IFT52: variants seen among roughly 807,000 people sequenced by gnomAD.
IFT52 encodes intraflagellar transport protein 52 homolog.
In IFT52, 44 loss-of-function variants were observed where a neutral mutation model predicts 54.4. That is an observed-to-expected ratio of 0.81 (90% confidence interval 0.63 to 1.04). The LOEUF (loss-of-function observed/expected upper bound fraction) is 1.04. Ranked by LOEUF, IFT52 falls within the 50% of genes least tolerant of loss-of-function variation. The pLI is 0.00. For synonymous variants in IFT52, 181 were observed against 185.3 expected, an observed-to-expected ratio of 0.98 and a Z score of 0.19; for missense variants, 452 against 523.6, an observed-to-expected ratio of 0.86 and a Z score of 1.33.
intron 12 of IFT52, among the ~76,000 whole-genome samples, chr20:43,640,865 G>A (rs532374308): frequency 2.0e-5 from 3 of 151,770 alleles, no homozygotes; most frequent in Admixed American, 1.3e-4. Context: ...GTGAAACCCC[G>A]TCTCAAATAC....
At position 43,623,916 on chromosome 20, in the gene IFT52, A is replaced by G. The variant is rs1173147465; in HGVS notation, c.794A>G (p.Tyr265Cys). The G allele has an allele frequency of 3.7e-6, 6 of 1,614,090 alleles. No homozygotes were observed. The highest frequency in any genetic ancestry group is 5.1e-6 in the Non-Finnish European group (6 of 1,180,048). Residue 265 changes from tyrosine (Y) to cysteine (C), a missense_variant, in exon 10 of 14, where the codon TAC becomes TGC. Coordinates refer to ENST00000373030, the MANE Select transcript of IFT52 (RefSeq NM_016004.5). ...PEISDYMMLP[Y>C]TATLSKRNRE... ...ATTTCTGACTACATGATGCTGCCCT[A>G]CACAGCCACCCTATCAAAGCGGAAT...
At chr20:43,605,762 A>T (rs1224508993) in intron 6 of IFT52, among the ~76,000 whole-genome samples, 1 of 152,210 alleles carries the variant, frequency 6.6e-6, no homozygotes, top group Non-Finnish European at 1.5e-5. Context: ...TGTGACAGGC[A>T]TGTATTACCT....
chr20:43,602,241 T>C (rs1391449471), intron 3 of IFT52, among the ~76,000 whole-genome samples: 1 of 151,990 alleles, frequency 6.6e-6, no homozygotes, highest in Non-Finnish European at 1.5e-5. Flanking sequence ...CTCGGCTCAT[T>C]GCAACCTCCG....
At chr20:43,632,399 T>C (rs1387348618) in intron 10 of IFT52, among the ~76,000 whole-genome samples, 1 of 152,060 alleles carries the variant, frequency 6.6e-6, no homozygotes, top group African/African-American at 2.4e-5. Flanking sequence ...TAGCTGGGAT[T>C]ACAGGCACGC....
In IFT52 at chr20:43,618,983, T is replaced by C; in HGVS notation, c.656T>C (p.Phe219Ser). 6.2e-7 allele frequency: 1 copy of C among 1,614,102 alleles called. No homozygotes were observed. Among genetic ancestry groups the C allele is most frequent in the Non-Finnish European group, 8.5e-7 (1 of 1,179,960 alleles). ...KLAVLGSCHM[F>S]SDQYLDKEEN... is the part of the protein sequence containing the mutation. ...GCAGTGCTTGGTTCATGTCACATGT[T>C]CAGTGATCAATATTTGGACAAAGAA... The change falls in exon 8 of 14, where the codon TTC becomes TCC. Residue 219 changes from phenylalanine to serine, a missense_variant. Phe to Ser is a radical substitution (Grantham distance 155). Coordinates refer to ENST00000373030, the MANE Select transcript of IFT52 (RefSeq NM_016004.5).
chr20:43,628,583 T>TGTA (rs1984919379), intron 10 of IFT52, among the ~76,000 whole-genome samples: 1 of 152,212 alleles, frequency 6.6e-6, no homozygotes, highest in South Asian at 2.1e-4. Context: ...CCGGACATGA[T>TGTA]GGCTCACGCC....
chr20:43,647,021 C>T lies in IFT52; in HGVS notation c.*38C>T, dbSNP rs749815147. The T allele has an allele frequency of 1.9e-6, 3 of 1,564,036 alleles. No individual in the cohort carries two copies. The highest frequency in any genetic ancestry group is 1.8e-6 in the Non-Finnish European group (2 of 1,135,076). Reference sequence around the variant, plus strand: ...TTGAAGCTTTTTCTGCCTCCTGATTCTCTCTTTGTAAACTATTTTCAAATT... The same window carrying T: ...TTGAAGCTTTTTCTGCCTCCTGATTTTCTCTTTGTAAACTATTTTCAAATT... On this transcript the variant is annotated 3_prime_UTR_variant, in exon 14 of 14. Coordinates refer to ENST00000373030, the MANE Select transcript of IFT52 (RefSeq NM_016004.5).
intron 6 of IFT52, among the ~76,000 whole-genome samples, chr20:43,605,685 G>A (rs940190327): frequency 6.6e-6 from 1 of 151,730 alleles, no homozygotes; most frequent in Admixed American, 6.6e-5. Context: ...CCCTATTATT[G>A]GACATTTAAG....
At chr20:43,637,535 T>C (rs1290675516) in intron 12 of IFT52, among the ~76,000 whole-genome samples, 5 of 152,238 alleles carry the variant, frequency 3.3e-5, no homozygotes, top group African/African-American at 1.2e-4. Flanking sequence ...AGTGCTGGGA[T>C]TACAGGCGTG....
chr20:43,600,518 G>A (rs145036247), intron 3 of IFT52, among the ~76,000 whole-genome samples: 4,443 of 151,972 alleles, frequency 0.029, 73 homozygotes, highest in Middle Eastern at 0.078. Flanking sequence ...GTTAGCCAGG[G>A]TGATCTCGAT....
At chr20:43,608,874 C>T (rs1026069706) in intron 6 of IFT52, among the ~76,000 whole-genome samples, 10 of 152,094 alleles carry the variant, frequency 6.6e-5, no homozygotes, top group African/African-American at 2.4e-4. Flanking sequence ...CGCCGCTGCA[C>T]TCCAGCCTGG....
chr20:43,604,181 A>G lies in IFT52; in HGVS notation c.338-2A>G. ...ATACCTCCTTCTCTTTTTCCCTCAT[A>G]GATGCTGTGGTTAGAAATGTATATC... On this transcript the variant is annotated splice_acceptor_variant, in intron 4 of 13. Transcript: ENST00000373030. LOFTEE classifies it high-confidence loss of function. 1 of 1,600,350 alleles carries G rather than the reference A, an allele frequency of 6.2e-7. No individual in the cohort carries two copies. Among genetic ancestry groups the G allele is most frequent in the Non-Finnish European group, 8.6e-7 (1 of 1,167,584 alleles).
chr20:43,628,579 A>T (rs1169212379), intron 10 of IFT52, among the ~76,000 whole-genome samples: 1 of 152,178 alleles, frequency 6.6e-6, no homozygotes, highest in Non-Finnish European at 1.5e-5. Context: ...GAAGCCGGAC[A>T]TGATGGCTCA....
rs138630667 is a variant in IFT52 at position 43,642,708 on chromosome 20, C to T, written c.1266+84C>T. 191 of 1,343,538 alleles carry T rather than the reference C, an allele frequency of 1.4e-4. 1 individual carries two copies. In the East Asian group the frequency reaches 2.4e-3, roughly 17 times the overall value. The allele number at this position is 1,343,538 out of a possible 1,614,324, so 83.2% of individuals were successfully genotyped here. ...GGACTGTGCTTGCCATGTTTTATGA[C>T]GTTGATTCAGCCTGTAAATATTTAT... On this transcript the variant is annotated intron_variant, in intron 13 of 13. Coordinates refer to ENST00000373030, the MANE Select transcript of IFT52 (RefSeq NM_016004.5).
intron 5 of IFT52, 87 bp from the exon 6 acceptor site, chr20:43,604,915 T>G: frequency 7.2e-7 from 1 of 1,381,562 alleles, no homozygotes; most frequent in South Asian, 1.2e-5. Flanking sequence ...TCCTCCCACC[T>G]TAGCCTCATA....
At chr20:43,621,789 G>C (rs1463303917) in intron 9 of IFT52, among the ~76,000 whole-genome samples, 1 of 152,164 alleles carries the variant, frequency 6.6e-6, no homozygotes, top group Non-Finnish European at 1.5e-5. Flanking sequence ...TGTGAACAGG[G>C]AACACTAATA....
intron 3 of IFT52, among the ~76,000 whole-genome samples, chr20:43,601,163 A>G (rs1209360894): frequency 6.6e-6 from 1 of 152,144 alleles, no homozygotes; most frequent in African/African-American, 2.4e-5. Context: ...CTTAAACATT[A>G]ATATTATGGC....
chr20:43,620,440 C>T (rs1984204395), intron 8 of IFT52, among the ~76,000 whole-genome samples: 1 of 152,070 alleles, frequency 6.6e-6, no homozygotes, highest in Non-Finnish European at 1.5e-5. Context: ...GGTGGATCAC[C>T]TGCGATCAAG....
At chr20:43,628,253 A>G (rs1287188163) in intron 10 of IFT52, among the ~76,000 whole-genome samples, 3 of 152,054 alleles carry the variant, frequency 2.0e-5, no homozygotes, top group African/African-American at 7.2e-5. Flanking sequence ...AGACAGAATC[A>G]TGGATCATTC....
Sources: gnomAD v4.1 joint callset for allele counts (sites outside exome capture counted in the v4.1 genomes callset) on GRCh38, gnomAD v4.1.1 for gene constraint, MANE v1.5 for transcripts, NCBI Gene and HGNC (gene_info 2026-07-23, HGNC 2026-07-21) for gene names.